The following CCR5AS variants were observed in gnomAD, a reference collection of about 807,000 sequenced individuals.
The protein encoded by CCR5AS is CCR5 antisense RNA.
intron 1 of CCR5AS, among the ~76,000 whole-genome samples, chr3:46,393,502 G>GA (rs796274814): frequency 2.9e-5 from 4 of 138,508 alleles, no homozygotes. Flanking sequence ...AAAAGAAGAA[G>GA]AAAAAAAAAT....
At chr3:46,402,908 T>C (rs1175659026) in intron 1 of CCR5AS, among the ~76,000 whole-genome samples, 1 of 152,198 alleles carries the variant, frequency 6.6e-6, no homozygotes, top group Non-Finnish European at 1.5e-5. Flanking sequence ...CAGTCTCAAG[T>C]AGACCCCGGT....
At chr3:46,380,336 G>A (rs1325396981) in intron 2 of CCR5AS, among the ~76,000 whole-genome samples, 1 of 152,180 alleles carries the variant, frequency 6.6e-6, no homozygotes, top group East Asian at 1.9e-4. Flanking sequence ...TTTCTAAAGG[G>A]CTAAGTAGAA....
At chr3:46,389,837 G>A (rs962230992) in intron 2 of CCR5AS, among the ~76,000 whole-genome samples, 1 of 152,148 alleles carries the variant, frequency 6.6e-6, no homozygotes, top group South Asian at 2.1e-4. Context: ...GGTGGTGGGG[G>A]TTGGGGTCTG....
chr3:46,394,548 A>G (rs1342967666), intron 1 of CCR5AS, among the ~76,000 whole-genome samples: 2 of 151,942 alleles, frequency 1.3e-5, no homozygotes. Flanking sequence ...CCACTCTCTC[A>G]AGCCTCCCCA....
At chr3:46,404,608 G>A (rs956691990) in intron 1 of CCR5AS, among the ~76,000 whole-genome samples, 1 of 151,876 alleles carries the variant, frequency 6.6e-6, no homozygotes, top group African/African-American at 2.4e-5. Flanking sequence ...AAAGTGCTGG[G>A]ATTACAGGCA....
intron 2 of CCR5AS, among the ~76,000 whole-genome samples, chr3:46,385,428 G>C (rs998477883): frequency 6.6e-6 from 1 of 152,166 alleles, no homozygotes; most frequent in African/African-American, 2.4e-5. Flanking sequence ...GCCAAGGCTG[G>C]TTAAAAGCAA....
At chr3:46,384,627 G>A (rs936907505) in intron 2 of CCR5AS, among the ~76,000 whole-genome samples, 3 of 152,182 alleles carry the variant, frequency 2.0e-5, no homozygotes, top group Non-Finnish European at 4.4e-5. Context: ...GCCAGATGAG[G>A]ATGAGTTATC....
At chr3:46,379,110 C>T (rs969861505) in intron 2 of CCR5AS, among the ~76,000 whole-genome samples, 9 of 148,560 alleles carry the variant, frequency 6.1e-5, no homozygotes, top group Non-Finnish European at 8.9e-5. Context: ...CATGCTGGTG[C>T]GCTGCACCCA....
chr3:46,374,045 G>A (rs1701717199), intron 2 of CCR5AS: 2 of 972,836 alleles, frequency 2.1e-6, no homozygotes, highest in African/African-American at 3.3e-5. Flanking sequence ...GGGGTGGGGT[G>A]GGAGAGGTCT....
In CCR5AS at chr3:46,383,632, C is replaced by A. The variant is rs188342876; in HGVS notation, n.391+9193G>T. On this transcript the variant is annotated intron_variant and non_coding_transcript_variant, in intron 2 of 3. Transcript: ENST00000451485. ...CTCCTACTGTGGAGGCCAGGGATGG[C>A]CAGGGGTAAGAGAGGGATGGGAAGT... Among the ~76,000 whole-genome samples, 55 of 152,206 alleles carry A rather than the reference C, an allele frequency of 3.6e-4. No individual in the cohort carries two copies. The East Asian group carries it at 7.6e-3, about 21-fold the overall frequency.
At chr3:46,397,115 G>A (rs925171360) in intron 1 of CCR5AS, among the ~76,000 whole-genome samples, 28 of 152,234 alleles carry the variant, frequency 1.8e-4, no homozygotes, top group African/African-American at 6.0e-4. Flanking sequence ...CCATCCATGC[G>A]CCCTTGACTG....
intron 2 of CCR5AS, among the ~76,000 whole-genome samples, chr3:46,386,381 G>A (rs768425806): frequency 5.9e-5 from 9 of 152,192 alleles, no homozygotes; most frequent in Admixed American, 2.0e-4. Context: ...TAATCCACTG[G>A]TATCAGCATG....
chr3:46,388,094 T>C (rs1048186680), intron 2 of CCR5AS, among the ~76,000 whole-genome samples: 3 of 152,196 alleles, frequency 2.0e-5, no homozygotes, highest in African/African-American at 7.2e-5. Context: ...ACAGGGGATA[T>C]GATGGCTTAG....
chr3:46,405,952 C>T (rs1559578277), intron 1 of CCR5AS, among the ~76,000 whole-genome samples: 1 of 151,746 alleles, frequency 6.6e-6, no homozygotes, highest in Non-Finnish European at 1.5e-5. Context: ...CATGGCTCAC[C>T]GCAGCCTCCA....
intron 2 of CCR5AS, chr3:46,374,173 G>C (rs978988121): frequency 2.4e-6 from 1 of 408,734 alleles, no homozygotes; most frequent in African/African-American, 2.1e-5. Context: ...ATCAAAATAT[G>C]TTGATGAAAA....
intron 1 of CCR5AS, among the ~76,000 whole-genome samples, chr3:46,398,010 G>A (rs541288723): frequency 6.6e-6 from 1 of 152,328 alleles, no homozygotes; most frequent in South Asian, 2.1e-4. Flanking sequence ...TGTGGAGCCG[G>A]AACTGAGAGA....
chr3:46,398,213 G>C (rs563672481), intron 1 of CCR5AS, among the ~76,000 whole-genome samples: 4 of 152,002 alleles, frequency 2.6e-5, no homozygotes, highest in African/African-American at 9.7e-5. Flanking sequence ...AAACCCAGGC[G>C]CGGAAAATTC....
chr3:46,402,194 TA>T (rs1297535416), intron 1 of CCR5AS, among the ~76,000 whole-genome samples: 2 of 152,212 alleles, frequency 1.3e-5, no homozygotes, highest in African/African-American at 2.4e-5. Context: ...TAAGTACATA[TA>T]AAATCTGTAT....
intron 2 of CCR5AS, among the ~76,000 whole-genome samples, chr3:46,372,400 G>T (rs532495909): frequency 8.5e-5 from 13 of 152,140 alleles, no homozygotes; most frequent in African/African-American, 3.1e-4. Context: ...GTGTGGTGGC[G>T]CCTGTAGTCC....
Sources: gnomAD v4.1 joint callset for allele counts (sites outside exome capture counted in the v4.1 genomes callset) on GRCh38, gnomAD v4.1.1 for gene constraint, MANE v1.5 for transcripts, NCBI Gene and HGNC (gene_info 2026-07-23, HGNC 2026-07-21) for gene names.